The following CYBRD1 variants were observed in gnomAD, a reference collection of about 807,000 sequenced individuals.
The protein encoded by CYBRD1 is plasma membrane ascorbate-dependent reductase CYBRD1.
A neutral mutation model predicts 21.9 loss-of-function variants in CYBRD1; 14 were observed. That is an observed-to-expected ratio of 0.64 (90% confidence interval 0.42 to 1.00). CYBRD1 has a LOEUF of 1.00. CYBRD1 is among the 50% of genes least tolerant of loss of function. The probability of loss-of-function intolerance (pLI) is 0.00; values close to 1 mark genes in which losing one functional copy is unlikely to be tolerated. For synonymous variants in CYBRD1, 146 were observed against 136.5 expected (o/e 1.07, Z -0.48); for missense variants, 328 against 352.5 (o/e 0.93, Z 0.56).
chr2:171,553,212 G>A (rs2105347694), intron 2 of CYBRD1, 134 bp from the exon 3 acceptor site: 1 of 1,036,750 alleles, frequency 9.6e-7, no homozygotes, highest in East Asian at 2.6e-5. Flanking sequence ...GAACTGGAGC[G>A]AGGAAACTTC....
chr2:171,549,085 T>TC (rs766344313), intron 2 of CYBRD1, among the ~76,000 whole-genome samples: 3 of 152,014 alleles, frequency 2.0e-5, no homozygotes, highest in Admixed American at 6.6e-5. Flanking sequence ...TCTATTCTAT[T>TC]TATTTATTTA....
chr2:171,554,730 A>G lies in CYBRD1; in HGVS notation c.764A>G (p.Asn255Ser), dbSNP rs760230562. Residue 255 changes from asparagine to serine, a missense_variant, in exon 4 of 4, where the codon AAC becomes AGC. Asn to Ser is a conservative substitution (Grantham distance 46). Coordinates refer to ENST00000321348, the MANE Select transcript of CYBRD1 (RefSeq NM_024843.4). ...GGTTCCATGCCAGCCTACTCTGGCAACAACATGGACAAATCAGATTCAGAG... is the reference window on the plus strand; with the variant it reads ...GGTTCCATGCCAGCCTACTCTGGCAGCAACATGGACAAATCAGATTCAGAG... ...ARGSMPAYSG[N>S]NMDKSDSELN... is the part of the protein sequence containing the mutation. 1.2e-6 allele frequency: 2 copies of G among 1,614,062 alleles called. No homozygotes were observed. Among genetic ancestry groups the G allele is most frequent in the South Asian group, 1.1e-5 (1 of 91,082 alleles).
chr2:171,522,948 A>T lies in CYBRD1; in HGVS notation c.193+210A>T. 1 of 714,788 alleles carries T rather than the reference A, an allele frequency of 1.4e-6. No homozygotes were observed. Among genetic ancestry groups the T allele is most frequent in the South Asian group, 2.1e-5 (1 of 47,712 alleles). The allele number at this position is 714,788 out of a possible 1,614,324, so 44.3% of individuals were successfully genotyped here. ...CGGGACAGAGCTGCGGTTCAGGAGG[A>T]TCGCCGCGAGCGCGGGGCCGGGGGT... On this transcript the variant is annotated intron_variant, in intron 1 of 3. Transcript: ENST00000321348. This position sits in a 1 kb window ranked among gnomAD's most constrained non-coding sequence, Gnocchi z 4.3.
intron 2 of CYBRD1, among the ~76,000 whole-genome samples, chr2:171,543,290 T>C (rs1697663231): frequency 6.6e-6 from 1 of 152,202 alleles, no homozygotes; most frequent in Non-Finnish European, 1.5e-5. Flanking sequence ...TTCAGCTTGA[T>C]GGCAGAGTCC....
intron 2 of CYBRD1, among the ~76,000 whole-genome samples, chr2:171,552,871 A>G (rs573385760): frequency 5.5e-4 from 81 of 148,048 alleles, no homozygotes; most frequent in African/African-American, 1.9e-3. Flanking sequence ...GGTTTTAGTG[A>G]TTTAAAAAAT....
chr2:171,525,735 A>C (rs375372349), intron 1 of CYBRD1, among the ~76,000 whole-genome samples: 13 of 152,328 alleles, frequency 8.5e-5, no homozygotes, highest in African/African-American at 3.1e-4. Flanking sequence ...ATGCTTTAGA[A>C]ATGCAATATA....
chr2:171,532,141 T>C (rs1401406277), intron 1 of CYBRD1, among the ~76,000 whole-genome samples: 1 of 152,204 alleles, frequency 6.6e-6, no homozygotes, highest in Non-Finnish European at 1.5e-5. Flanking sequence ...GATTCTCTGC[T>C]TTTTCATTTA....
intron 1 of CYBRD1, among the ~76,000 whole-genome samples, chr2:171,538,793 G>A (rs1349843988): frequency 6.6e-6 from 1 of 151,906 alleles, no homozygotes; most frequent in African/African-American, 2.4e-5. Context: ...TGAAGTTCTT[G>A]GGTGTTTGTT....
At chr2:171,551,985 G>GA (rs1458982428) in intron 2 of CYBRD1, among the ~76,000 whole-genome samples, 1 of 151,926 alleles carries the variant, frequency 6.6e-6, no homozygotes, top group Non-Finnish European at 1.5e-5. Flanking sequence ...GAGACTTTCA[G>GA]AAAAATGCTG....
rs1697329293 is a variant in CYBRD1 at position 171,522,876 on chromosome 2, G to A, written c.193+138G>A. 3 of 1,390,942 alleles carry A rather than the reference G, an allele frequency of 2.2e-6. No individual in the cohort carries two copies. The highest frequency in any genetic ancestry group is 2.9e-6 in the Non-Finnish European group (3 of 1,029,312). 86.2% of individuals were successfully genotyped at this position (1,390,942 alleles called of 1,614,324 possible). A position where few individuals can be genotyped will look rare whatever the true frequency, so the allele number is the denominator to read the frequency against. Reference sequence around the variant, plus strand: ...CGGAGGAGTGCGGTGAGGAGCGCGCGGGAAGCCAAGTCGGCTGGGCGGGAG... The same window carrying A: ...CGGAGGAGTGCGGTGAGGAGCGCGCAGGAAGCCAAGTCGGCTGGGCGGGAG... On this transcript the variant is annotated intron_variant, in intron 1 of 3. Coordinates refer to ENST00000321348, the MANE Select transcript of CYBRD1 (RefSeq NM_024843.4). This position sits in a 1 kb window ranked among gnomAD's most constrained non-coding sequence, Gnocchi z 4.3.
intron 2 of CYBRD1, among the ~76,000 whole-genome samples, chr2:171,550,355 C>T (rs1423780618): frequency 6.6e-6 from 1 of 152,078 alleles, no homozygotes; most frequent in Non-Finnish European, 1.5e-5. Context: ...ATCCTCCTGC[C>T]TCGGCCTCCC....
chr2:171,534,287 T>C (rs76573445), intron 1 of CYBRD1, among the ~76,000 whole-genome samples: 1,905 of 152,324 alleles, frequency 0.013, 60 homozygotes, highest in East Asian at 0.061. Context: ...AGCTGTTTTA[T>C]ACCATTTCCC....
intron 1 of CYBRD1, among the ~76,000 whole-genome samples, chr2:171,527,366 G>T (rs181522036): frequency 5.9e-5 from 9 of 152,316 alleles, no homozygotes; most frequent in Admixed American, 3.9e-4. Flanking sequence ...ATAACACTGA[G>T]AACTGGCACA....
intron 2 of CYBRD1, among the ~76,000 whole-genome samples, chr2:171,542,123 C>CA (rs1398265575): frequency 2.0e-5 from 3 of 152,114 alleles, no homozygotes; most frequent in Non-Finnish European, 4.4e-5. Flanking sequence ...CTCAGCCTCC[C>CA]AAAGTGCTAG....
intron 1 of CYBRD1, among the ~76,000 whole-genome samples, chr2:171,532,800 CA>C (rs200616253): frequency 1.4e-5 from 2 of 145,292 alleles, no homozygotes; most frequent in Non-Finnish European, 3.0e-5. Context: ...GACTCTGTCT[CA>C]AAAAAAAAGA....
At chr2:171,550,232 A>T (rs1413350267) in intron 2 of CYBRD1, among the ~76,000 whole-genome samples, 1 of 152,112 alleles carries the variant, frequency 6.6e-6, no homozygotes, top group Non-Finnish European at 1.5e-5. Flanking sequence ...CAGCCTCCAG[A>T]GTAGCTGGGA....
chr2:171,541,105 A>G (rs1024657651), intron 1 of CYBRD1: 1 of 186,114 alleles, frequency 5.4e-6, no homozygotes, highest in Admixed American at 5.4e-5. Context: ...AACAGGCATA[A>G]ATCAGATTGT....
intron 2 of CYBRD1, 72 bp downstream of exon 2, chr2:171,541,865 T>TC (rs878957668): frequency 4.7e-4 from 510 of 1,082,414 alleles, no homozygotes; most frequent in Non-Finnish European, 5.4e-4. Flanking sequence ...TCTTTTCTTT[T>TC]TTTTTTTTTT....
At chr2:171,542,441 G>A (rs1455011515) in intron 2 of CYBRD1, among the ~76,000 whole-genome samples, 1 of 151,962 alleles carries the variant, frequency 6.6e-6, no homozygotes, top group Non-Finnish European at 1.5e-5. Context: ...TTTGAGCTCC[G>A]AAGTTCAAGA....
Sources: gnomAD v4.1 joint callset for allele counts (sites outside exome capture counted in the v4.1 genomes callset) on GRCh38, gnomAD v4.1.1 for gene constraint, Gnocchi (gnomAD v3.1) non-coding constraint, MANE v1.5 for transcripts, NCBI Gene and HGNC (gene_info 2026-07-23, HGNC 2026-07-21) for gene names.